MUCL1: variants seen among roughly 807,000 people sequenced by gnomAD.
MUCL1 encodes mucin-like protein 1.
MUCL1 carries 11 observed loss-of-function variants against 9.2 expected under a neutral mutation model. That is an observed-to-expected ratio of 1.19 (90% CI 0.75 to 1.97). MUCL1 has a LOEUF of 1.97. Among genes scored for constraint, MUCL1 ranks in the 30% most tolerant of loss-of-function variants. MUCL1 has a pLI of 0.00. For synonymous variants in MUCL1, 48 were observed against 40.5 expected, an observed-to-expected ratio of 1.19 and a Z score of -0.71; for missense variants, 144 against 110.9, an observed-to-expected ratio of 1.30 and a Z score of -1.34.
chr12:54,831,225 A>G (rs1445996667), intron 1 of MUCL1, among the ~76,000 whole-genome samples: 3 of 152,174 alleles, frequency 2.0e-5, no homozygotes, highest in African/African-American at 7.2e-5. Flanking sequence ...GGTATTATCA[A>G]ATTAATTTAT....
intron 2 of MUCL1, chr12:54,855,381 T>A (rs1868291145): frequency 3.7e-6 from 2 of 541,380 alleles, no homozygotes; most frequent in Admixed American, 3.1e-5. Context: ...CATAGACTTA[T>A]ACAAATGTGG....
rs768496159 is a variant in MUCL1 at position 54,856,814 on chromosome 12, GCTGCAACCACTGCA to G, written c.146_159del (p.Ala49AspfsTer18). On this transcript the variant is annotated frameshift_variant, in exon 3 of 4. Coordinates refer to ENST00000308796, the MANE Select transcript of MUCL1 (RefSeq NM_058173.3). LOFTEE classifies it high-confidence loss of function. ...AGCCCCTGATGCTGAAACCACTGCT[GCTGCAACCACTGCA>G]ACCACTGCTGCTCCTACCACTGCAA... 1.6e-4 allele frequency: 251 copies of G among 1,613,036 alleles called. No individual in the cohort carries two copies. Among genetic ancestry groups the G allele is most frequent in the Non-Finnish European group, 1.8e-4 (207 of 1,179,406 alleles).
At chr12:54,847,975 G>A (rs1407765059) in intron 1 of MUCL1, among the ~76,000 whole-genome samples, 2 of 150,832 alleles carry the variant, frequency 1.3e-5, no homozygotes, top group Non-Finnish European at 1.5e-5. Flanking sequence ...GGTACTAACA[G>A]CAAATCCTGT....
At chr12:54,839,400 C>A (rs939201434) in exon 1 of MUCL1, 15 of 701,796 alleles carry the variant, frequency 2.1e-5, no homozygotes, top group African/African-American at 2.1e-4. Context: ...AGGCTTCTGG[C>A]CAGTATGGGA....
At chr12:54,851,104 G>T (rs1959331308), upstream of MUCL1, among the ~76,000 whole-genome samples, 1 of 152,116 alleles carries the variant, frequency 6.6e-6, no homozygotes, top group African/African-American at 2.4e-5. Context: ...CTCCTATTCT[G>T]TAGGTTGCCT....
intron 1 of MUCL1, among the ~76,000 whole-genome samples, chr12:54,831,197 AT>A (rs1959184965): frequency 6.6e-6 from 1 of 152,094 alleles, no homozygotes; most frequent in Non-Finnish European, 1.5e-5. Context: ...TTTATGTGAT[AT>A]TTTTCTACTC....
At chr12:54,838,673 G>A (rs181316967), upstream of MUCL1, among the ~76,000 whole-genome samples, 12 of 151,816 alleles carry the variant, frequency 7.9e-5, no homozygotes, top group Non-Finnish European at 1.2e-4. Context: ...CAAAAGGCTT[G>A]TCTTTGAGTT....
chr12:54,853,647 C>T (rs576351987), upstream of MUCL1, among the ~76,000 whole-genome samples: 4 of 152,244 alleles, frequency 2.6e-5, no homozygotes, highest in Middle Eastern at 3.4e-3. Flanking sequence ...CTAAACTCTC[C>T]TTTCTTCTTT....
At chr12:54,851,094 C>T (rs1959331112), upstream of MUCL1, among the ~76,000 whole-genome samples, 2 of 152,040 alleles carry the variant, frequency 1.3e-5, no homozygotes. Flanking sequence ...CAAAAATTTT[C>T]TCCTATTCTG....
intron 1 of MUCL1, among the ~76,000 whole-genome samples, chr12:54,841,907 C>T (rs1737896525): frequency 6.6e-6 from 1 of 152,180 alleles, no homozygotes; most frequent in African/African-American, 2.4e-5. Flanking sequence ...GAGGCATTCT[C>T]TTATGTTTTC....
chr12:54,844,789 A>T (rs1959234430), intron 1 of MUCL1, among the ~76,000 whole-genome samples: 1 of 152,196 alleles, frequency 6.6e-6, no homozygotes, highest in African/African-American at 2.4e-5. Context: ...CCAAAGCCAA[A>T]GCTACATGTT....
At chr12:54,853,637 C>G (rs542821643), upstream of MUCL1, among the ~76,000 whole-genome samples, 1 of 152,268 alleles carries the variant, frequency 6.6e-6, no homozygotes, top group East Asian at 1.9e-4. Context: ...TTTTCCATCT[C>G]TAAACTCTCC....
At chr12:54,837,097 T>C (rs1959194015), upstream of MUCL1, among the ~76,000 whole-genome samples, 2 of 152,178 alleles carry the variant, frequency 1.3e-5, no homozygotes, top group African/African-American at 4.8e-5. Context: ...GTCAGGTCAA[T>C]TTTTTCTAGA....
intron 1 of MUCL1, among the ~76,000 whole-genome samples, chr12:54,843,593 G>A (rs1959224982): frequency 6.6e-6 from 1 of 152,116 alleles, no homozygotes; most frequent in Non-Finnish European, 1.5e-5. Flanking sequence ...TAATCGCAAG[G>A]GTCTTTTAAA....
intron 1 of MUCL1, among the ~76,000 whole-genome samples, chr12:54,832,295 A>G (rs1959186378): frequency 6.6e-6 from 1 of 152,132 alleles, no homozygotes; most frequent in Non-Finnish European, 1.5e-5. Context: ...TGTTAAAAAG[A>G]CAAATTTTGG....
intron 1 of MUCL1, among the ~76,000 whole-genome samples, chr12:54,832,288 T>G (rs1385046996): frequency 1.3e-5 from 2 of 152,116 alleles, no homozygotes; most frequent in Admixed American, 1.3e-4. Context: ...TTCTTTCTGT[T>G]AAAAAGACAA....
upstream of MUCL1, among the ~76,000 whole-genome samples, chr12:54,838,669 G>A (rs554017915): frequency 6.6e-6 from 1 of 151,694 alleles, no homozygotes; most frequent in Non-Finnish European, 1.5e-5. Context: ...AATTCAAAAG[G>A]CTTGTCTTTG....
chr12:54,841,334 A>T (rs764048601), intron 1 of MUCL1, among the ~76,000 whole-genome samples: 4 of 152,202 alleles, frequency 2.6e-5, no homozygotes, highest in South Asian at 2.1e-4. Flanking sequence ...TCTCTATAAG[A>T]TGCTGATTTC....
chr12:54,851,265 T>A (rs1959335213), upstream of MUCL1, among the ~76,000 whole-genome samples: 1 of 152,154 alleles, frequency 6.6e-6, no homozygotes, highest in Admixed American at 6.5e-5. Context: ...ATTGCCTAGG[T>A]TTTCTTCTAG....
Sources: allele counts gnomAD v4.1 joint callset (sites outside exome capture counted in the v4.1 genomes callset), GRCh38; gene constraint gnomAD v4.1.1; transcripts MANE v1.5; gene names NCBI Gene and HGNC (gene_info 2026-07-23, HGNC 2026-07-21).